TPO: variants seen among roughly 807,000 people sequenced by gnomAD.
TPO encodes thyroid microsomal antigen.
In TPO, 78 loss-of-function variants were observed where a neutral mutation model predicts 96.9. That is an observed-to-expected ratio of 0.81 (90% CI 0.67 to 0.97). TPO has a LOEUF of 0.97. Among genes scored for constraint, TPO ranks in the 50% least tolerant of loss-of-function variants. The probability of loss-of-function intolerance (pLI) is 0.00; values close to 1 mark genes in which losing one functional copy is unlikely to be tolerated. For synonymous variants in TPO, 547 were observed against 538.0 expected (o/e 1.02, Z -0.23); for missense variants, 1,252 against 1,274.8 (o/e 0.98, Z 0.27).
chr2:1,440,224 G>T (rs959607900), intron 5 of TPO, among the ~76,000 whole-genome samples: 1 of 152,050 alleles, frequency 6.6e-6, no homozygotes, highest in African/African-American at 2.4e-5. Flanking sequence ...TTTGGGTGTT[G>T]GCTGCAATGA....
chr2:1,476,805 G>A (rs28910596), intron 7 of TPO, among the ~76,000 whole-genome samples: 207 of 150,196 alleles, frequency 1.4e-3, no homozygotes, highest in African/African-American at 4.7e-3. Flanking sequence ...TGGCTGGACC[G>A]ACCCCTGCAG....
chr2:1,470,231 A>G (rs77492635), intron 7 of TPO, among the ~76,000 whole-genome samples: 5,532 of 152,300 alleles, frequency 0.036, 151 homozygotes, highest in Middle Eastern at 0.12. Flanking sequence ...CTGAGGCACA[A>G]AATACATTTT....
chr2:1,510,705 G>A (rs1489610766), intron 14 of TPO, among the ~76,000 whole-genome samples: 1 of 152,146 alleles, frequency 6.6e-6, no homozygotes, highest in Non-Finnish European at 1.5e-5. Flanking sequence ...CCTGCACCGT[G>A]ACCGGGGCCA....
intron 14 of TPO, among the ~76,000 whole-genome samples, chr2:1,515,283 CAGG>C (rs1674570210): frequency 6.6e-6 from 1 of 152,184 alleles, no homozygotes; most frequent in Non-Finnish European, 1.5e-5. Flanking sequence ...TTTCTGGATG[CAGG>C]AGGAGCGGCA....
chr2:1,461,825 C>T (rs897481491), intron 7 of TPO, among the ~76,000 whole-genome samples: 1 of 152,176 alleles, frequency 6.6e-6, no homozygotes, highest in Non-Finnish European at 1.5e-5. Context: ...GACATGCGGA[C>T]CCTGTGTAAC....
intron 1 of TPO, among the ~76,000 whole-genome samples, chr2:1,407,278 A>G (rs1662261783): frequency 6.6e-6 from 1 of 152,208 alleles, no homozygotes; most frequent in African/African-American, 2.4e-5. Flanking sequence ...AGGAACTGAG[A>G]TCTGTACCTG....
intron 13 of TPO, among the ~76,000 whole-genome samples, chr2:1,500,021 T>C (rs1672721631): frequency 6.6e-6 from 1 of 152,242 alleles, no homozygotes; most frequent in African/African-American, 2.4e-5. Flanking sequence ...CCCAGAACAA[T>C]TACACTACAC....
At chr2:1,406,028 G>A (rs1460846536) in intron 1 of TPO, among the ~76,000 whole-genome samples, 1 of 152,124 alleles carries the variant, frequency 6.6e-6, no homozygotes, top group Non-Finnish European at 1.5e-5. Context: ...TTTTAGTTTT[G>A]TTTTGTTGTT....
At chr2:1,472,742 G>A (rs1409588638) in intron 7 of TPO, among the ~76,000 whole-genome samples, 1 of 143,998 alleles carries the variant, frequency 6.9e-6, no homozygotes, top group African/African-American at 2.6e-5. Context: ...TCACAGCAAC[G>A]ACTGAGTGTA....
At position 1,397,760 on chromosome 2, in the gene TPO, G is replaced by A. The variant is rs1662104865; in HGVS notation, n.180+23358G>A. Among the ~76,000 whole-genome samples, 5 of 152,140 alleles carry A rather than the reference G, an allele frequency of 3.3e-5. No homozygotes were observed. The South Asian group carries it at 1.0e-3, about 32-fold the overall frequency. ...CTCCTCCATCCTCCTCTCTCTGCCT[G>A]GCAGTTGGCTCCTCTGCTTTGCCCA... On this transcript the variant is annotated intron_variant and non_coding_transcript_variant, in intron 1 of 5. Coordinates refer to the TPO transcript ENST00000497517.
Position 1,477,137 on chromosome 2 carries a change from C to A in TPO, c.871C>A (p.Arg291Ser), listed in dbSNP as rs916014540. The change falls in exon 8 of 17, where the codon CGC becomes AGC. Residue 291 changes from arginine (R) to serine (S), a missense_variant. Arg to Ser is a moderately radical substitution (Grantham distance 110). Transcript: ENST00000329066. ...GGGCACCGCCTGTCTGCCCTTCTAC[C>A]GCTCTTCGGCCGCCTGCGGCACCGG... Reference protein sequence around the residue: ...AAGTACLPFYRSSAACGTGDQ... With the variant: ...AAGTACLPFYSSSAACGTGDQ... The A allele has an allele frequency of 6.2e-7, 1 of 1,610,098 alleles. No individual in the cohort carries two copies. Among genetic ancestry groups the A allele is most frequent in the Non-Finnish European group, 8.5e-7 (1 of 1,179,214 alleles).
intron 9 of TPO, 31 bp downstream of exon 9, chr2:1,484,885 C>T: frequency 6.2e-7 from 1 of 1,612,516 alleles, no homozygotes; most frequent in Non-Finnish European, 8.5e-7. Context: ...CAGCTGGTCC[C>T]CATGAACTCT....
Position 1,535,636 on chromosome 2 carries a change from C to CCCG in TPO, c.2619-4957_2619-4956insCGC, listed in dbSNP as rs1558436338. 6.0e-4 allele frequency among the ~76,000 whole-genome samples: 8 copies of CCCG among 13,278 alleles called. 1 individual carries two copies. The highest frequency in any genetic ancestry group is 1.0e-3 in the African/African-American group (5 of 4,924). The allele number at this position is 13,278 out of a possible 152,430, so 8.7% of individuals were successfully genotyped here. ...CAGTGTACAACCTCCTCAAATCCTC[C>CCCG]CTCGCTGTGTGCAACCTCCTCAAAT... is the stretch of plus-strand genomic sequence containing the variant. On this transcript the variant is annotated intron_variant, in intron 15 of 16. Transcript: ENST00000329066.
At chr2:1,492,792 A>G (rs1250139295) in intron 10 of TPO, among the ~76,000 whole-genome samples, 1 of 152,184 alleles carries the variant, frequency 6.6e-6, no homozygotes, top group African/African-American at 2.4e-5. Flanking sequence ...GTAGAACCAG[A>G]CAGTCTTAGC....
chr2:1,507,636 C>A (rs1238001456), intron 14 of TPO, among the ~76,000 whole-genome samples: 1 of 151,712 alleles, frequency 6.6e-6, no homozygotes, highest in African/African-American at 2.4e-5. Context: ...ATTTTATTCT[C>A]TTTGAAGCAA....
rs866657379 is a variant in TPO at position 1,487,932 on chromosome 2, C to T, written c.1709C>T (p.Ser570Phe). 1 of 1,614,146 alleles carries T rather than the reference C, an allele frequency of 6.2e-7. No homozygotes were observed. Among genetic ancestry groups the T allele is most frequent in the Non-Finnish European group, 8.5e-7 (1 of 1,180,038 alleles). The change falls in exon 10 of 17, where the codon TCC (serine) becomes TTC (phenylalanine). Residue 570 changes from serine to phenylalanine, a missense_variant. Ser to Phe is a radical substitution (Grantham distance 155, BLOSUM62 -2). Coordinates refer to ENST00000329066, the MANE Select transcript of TPO (RefSeq NM_001206744.2). ...GAAAGGCTCTTTGTGCTGTCCAATTCCAGCACCTTGGATCTGGCGTCCATC... is the reference window on the plus strand; with the variant it reads ...GAAAGGCTCTTTGTGCTGTCCAATTTCAGCACCTTGGATCTGGCGTCCATC... ...LTERLFVLSN[S>F]STLDLASINL... is the part of the protein sequence containing the mutation.
At chr2:1,512,528 G>A in intron 14 of TPO, 1 of 968,976 alleles carries the variant, frequency 1.0e-6, no homozygotes, top group South Asian at 4.8e-5. Flanking sequence ...TGCTGTCCCT[G>A]CCCCGCTCCG....
chr2:1,538,203 G>A (rs1680301401), intron 15 of TPO, among the ~76,000 whole-genome samples: 1 of 151,274 alleles, frequency 6.6e-6, no homozygotes, highest in Non-Finnish European at 1.5e-5. Flanking sequence ...TTCTCCCTGT[G>A]AATCTCTCCT....
chr2:1,447,875 A>G (rs902799168), intron 5 of TPO, among the ~76,000 whole-genome samples: 3 of 152,306 alleles, frequency 2.0e-5, no homozygotes, highest in South Asian at 4.1e-4. Context: ...ACCATTATGT[A>G]TACAATTATG....
Sources: allele counts gnomAD v4.1 joint callset (sites outside exome capture counted in the v4.1 genomes callset), GRCh38; gene constraint gnomAD v4.1.1; transcripts MANE v1.5; gene names NCBI Gene and HGNC (gene_info 2026-07-23, HGNC 2026-07-21).